The following RASSF3 variants were observed in gnomAD, a reference collection of about 807,000 sequenced individuals.
RASSF3 encodes ras association domain-containing protein 3.
A neutral mutation model predicts 19.9 loss-of-function variants in RASSF3; 19 were observed. That is an observed-to-expected ratio of 0.96 (90% CI 0.67 to 1.40). The LOEUF is 1.40. Ranked by LOEUF, RASSF3 falls within the 40% of genes most tolerant of loss-of-function variation. The probability of loss-of-function intolerance (pLI) is 0.00; values close to 1 mark genes in which losing one functional copy is unlikely to be tolerated. For synonymous variants in RASSF3, 110 were observed against 104.2 expected (o/e 1.06, Z -0.34); for missense variants, 306 against 289.8 (o/e 1.06, Z -0.41).
At chr12:64,521,590 G>C (rs1330881938) in intron 1 of RASSF3, among the ~76,000 whole-genome samples, 1 of 152,162 alleles carries the variant, frequency 6.6e-6, no homozygotes, top group East Asian at 1.9e-4. Flanking sequence ...CTATGCACAA[G>C]GAAGAAAGAA....
intron 2 of RASSF3, among the ~76,000 whole-genome samples, chr12:64,590,465 T>C (rs191082744): frequency 9.9e-4 from 150 of 152,284 alleles, no homozygotes; most frequent in African/African-American, 3.3e-3. Flanking sequence ...CTTCATTTTA[T>C]TGTAGTGTTG....
chr12:64,672,637 T>C (rs1372340523), intron 1 of RASSF3, among the ~76,000 whole-genome samples: 1 of 152,136 alleles, frequency 6.6e-6, no homozygotes, highest in African/African-American at 2.4e-5. Context: ...GCTTCCCAAG[T>C]AGCTGGAACC....
At chr12:64,635,923 A>G (rs1306698470) in intron 1 of RASSF3, among the ~76,000 whole-genome samples, 4 of 152,296 alleles carry the variant, frequency 2.6e-5, no homozygotes, top group East Asian at 1.9e-4. Flanking sequence ...AGATTATGAA[A>G]ATAGGCAGTA....
intron 1 of RASSF3, among the ~76,000 whole-genome samples, chr12:64,516,914 A>G (rs1237329906): frequency 6.6e-6 from 1 of 150,530 alleles, no homozygotes; most frequent in East Asian, 2.0e-4. Flanking sequence ...CAGGAGAATC[A>G]ATTGAACCTG....
intron 1 of RASSF3, among the ~76,000 whole-genome samples, chr12:64,512,473 T>C (rs1400693649): frequency 6.6e-6 from 1 of 152,018 alleles, no homozygotes; most frequent in Non-Finnish European, 1.5e-5. Context: ...ATTTTCTCTG[T>C]CTCTGAGAGG....
intron 2 of RASSF3, among the ~76,000 whole-genome samples, chr12:64,567,122 C>T (rs1869445116): frequency 6.6e-6 from 1 of 152,164 alleles, no homozygotes; most frequent in African/African-American, 2.4e-5. Flanking sequence ...TTAGAGGAAA[C>T]CTGTTGCAGG....
At chr12:64,624,653 A>G (rs1388505033) in intron 1 of RASSF3, among the ~76,000 whole-genome samples, 3 of 150,936 alleles carry the variant, frequency 2.0e-5, no homozygotes, top group Non-Finnish European at 4.4e-5. Context: ...GCATTAATAA[A>G]TGTTAGCAAT....
intron 2 of RASSF3, among the ~76,000 whole-genome samples, chr12:64,594,109 G>A (rs1322934158): frequency 6.6e-6 from 1 of 151,722 alleles, no homozygotes; most frequent in East Asian, 1.9e-4. Flanking sequence ...AAGGTGGGAG[G>A]ATTGTTCAAG....
intron 2 of RASSF3, among the ~76,000 whole-genome samples, chr12:64,586,256 G>C (rs144364511): frequency 6.6e-6 from 1 of 151,524 alleles, no homozygotes; most frequent in African/African-American, 2.4e-5. Context: ...CCCAGGAGGC[G>C]GAGGCGGCAG....
chr12:64,687,978 G>A lies in RASSF3; in HGVS notation c.220-238G>A, dbSNP rs139394128. 3.3e-3 allele frequency among the ~76,000 whole-genome samples: 502 copies of A among 152,272 alleles called. 3 individuals carry two copies. The highest frequency in any genetic ancestry group is 0.011 in the African/African-American group (444 of 41,574). On this transcript the variant is annotated intron_variant, in intron 2 of 4. Transcript: ENST00000542104. ...GGCCGGCAGTCAGCCACAGCATCAG[G>A]AGGCTTCTTCAGTGTCCACATCTGC...
At chr12:64,597,140 AT>A (rs753727826) in intron 2 of RASSF3, among the ~76,000 whole-genome samples, 1 of 150,226 alleles carries the variant, frequency 6.7e-6, no homozygotes, top group Non-Finnish European at 1.5e-5. Context: ...TTATTTTTTA[AT>A]TTTTTTCCTG....
chr12:64,540,198 G>T (rs1276181686), intron 1 of RASSF3, among the ~76,000 whole-genome samples: 1 of 152,198 alleles, frequency 6.6e-6, no homozygotes, highest in African/African-American at 2.4e-5. Context: ...GCCAATTGGA[G>T]TTCTTTCTTA....
intron 1 of RASSF3, among the ~76,000 whole-genome samples, chr12:64,629,700 C>T (rs147787602): frequency 2.0e-5 from 3 of 152,106 alleles, no homozygotes; most frequent in African/African-American, 4.8e-5. Context: ...CGCGGTGGCT[C>T]ATGCCTGTAA....
rs1871199585 is a variant in RASSF3 at position 64,632,450 on chromosome 12, T to G, written c.111+21707T>G. The stretch of plus-strand genomic sequence containing the variant: ...GGGCAAGAGGGGTAGGGATATTGTT[T>G]GGAAGGTGATTGCGGTAACCTGGGT... On this transcript the variant is annotated intron_variant, in intron 1 of 4. Coordinates refer to ENST00000542104, the MANE Select transcript of RASSF3 (RefSeq NM_178169.4). 2.0e-5 allele frequency among the ~76,000 whole-genome samples: 3 copies of G among 152,246 alleles called. No individual in the cohort carries two copies. In the South Asian group the frequency reaches 6.2e-4, roughly 32 times the overall value.
At chr12:64,631,536 AATGTATGTATGT>A (rs10532504) in intron 1 of RASSF3, among the ~76,000 whole-genome samples, 17,768 of 146,452 alleles carry the variant, frequency 0.12, 1,241 homozygotes, top group Middle Eastern at 0.16. Context: ...CATCGTATGT[AATGTATGTATGT>A]ATGTATGTAT....
At chr12:64,586,038 A>T (rs2448532) in intron 2 of RASSF3, among the ~76,000 whole-genome samples, 76,717 of 151,816 alleles carry the variant, frequency 0.51, 19,914 homozygotes, top group Non-Finnish European at 0.56. Context: ...AGACCATGCG[A>T]GGTGGGCCAG....
In RASSF3 at chr12:64,641,881, A is replaced by T. The variant is rs61139498; in HGVS notation, c.111+31138A>T. 7.0e-3 allele frequency among the ~76,000 whole-genome samples: 1,057 copies of T among 151,364 alleles called. 13 individuals are homozygous for T. Among genetic ancestry groups the T allele is most frequent in the African/African-American group, 0.025 (1,019 of 41,304 alleles). ...CCTCAGCCTCCCGAGTAGCTGGGAT[A>T]ACAGGCATGTGCCACCACGCCCGGC... On this transcript the variant is annotated intron_variant, in intron 1 of 4. Coordinates refer to ENST00000542104, the MANE Select transcript of RASSF3 (RefSeq NM_178169.4).
upstream of RASSF3, among the ~76,000 whole-genome samples, chr12:64,607,066 C>T (rs1870206552): frequency 6.6e-6 from 1 of 151,684 alleles, no homozygotes; most frequent in Non-Finnish European, 1.5e-5. Context: ...ATCACTTGAG[C>T]CTAAGAGTTC....
At chr12:64,686,794 T>G (rs1237026804) in intron 2 of RASSF3, among the ~76,000 whole-genome samples, 1 of 152,138 alleles carries the variant, frequency 6.6e-6, no homozygotes, top group East Asian at 1.9e-4. Flanking sequence ...GCCACTGCAC[T>G]CCAGCCTGGG....
Sources: allele counts gnomAD v4.1 joint callset (sites outside exome capture counted in the v4.1 genomes callset), GRCh38; gene constraint gnomAD v4.1.1; transcripts MANE v1.5; gene names NCBI Gene and HGNC (gene_info 2026-07-23, HGNC 2026-07-21).